Variants in FMN2 observed in about 807,000 individuals in gnomAD.
The protein encoded by FMN2 is formin 2, also known as formin-2.
FMN2 carries 51 observed loss-of-function variants against 142.3 expected under a neutral mutation model. That is an observed-to-expected ratio of 0.36 (90% CI 0.29 to 0.45). The LOEUF is 0.45. FMN2 is among the 20% of genes least tolerant of loss of function. FMN2 has a pLI of 1.00. For synonymous variants in FMN2, 882 were observed against 869.8 expected (o/e 1.01, Z -0.25); for missense variants, 1,936 against 2,122.8 (o/e 0.91, Z 1.73).
intron 16 of FMN2, among the ~76,000 whole-genome samples, chr1:240,461,861 C>G (rs1040401396): frequency 6.6e-6 from 1 of 152,202 alleles, no homozygotes; most frequent in Non-Finnish European, 1.5e-5. Flanking sequence ...GATATGCCCA[C>G]TGTCTCTGCA....
chr1:240,369,282 G>C (rs1390388840), intron 14 of FMN2, among the ~76,000 whole-genome samples: 1 of 152,112 alleles, frequency 6.6e-6, no homozygotes, highest in Non-Finnish European at 1.5e-5. Context: ...GTCTAAAGTT[G>C]CTGTTTTTAC....
Position 240,474,985 on chromosome 1 carries a change from G to T in FMN2, c.*831G>T, listed in dbSNP as rs1558127740. ...GTTTAAGTGCAAAGAAACAGTAGTG[G>T]TTTTTTTTCTATTGTTTTGTAGTCT... On this transcript the variant is annotated 3_prime_UTR_variant, in exon 18 of 18. Coordinates refer to ENST00000319653, the MANE Select transcript of FMN2 (RefSeq NM_020066.5). 2 of 152,142 alleles carry T rather than the reference G, an allele frequency of 1.3e-5. No individual in the cohort carries two copies. The allele number at this position is 152,142 out of a possible 1,614,324, so 9.4% of individuals were successfully genotyped here.
At chr1:240,131,189 G>C (rs553183526) in intron 2 of FMN2, among the ~76,000 whole-genome samples, 3 of 152,262 alleles carry the variant, frequency 2.0e-5, no homozygotes, top group African/African-American at 7.2e-5. Flanking sequence ...GGAAAGTATG[G>C]ATACGAATAA....
chr1:240,109,408 CCAT>C (rs1661726299), intron 1 of FMN2, among the ~76,000 whole-genome samples: 1 of 152,194 alleles, frequency 6.6e-6, no homozygotes, highest in Admixed American at 6.5e-5. Context: ...GTTACATGCA[CCAT>C]CAAGGGTATT....
chr1:240,143,531 C>T (rs1386845405), intron 2 of FMN2: 12 of 1,591,842 alleles, frequency 7.5e-6, no homozygotes, highest in East Asian at 2.2e-5. Flanking sequence ...TCAAAGTGTT[C>T]GCTGCAAACG....
chr1:240,190,538 T>C (rs984958757), intron 4 of FMN2, among the ~76,000 whole-genome samples: 3 of 152,162 alleles, frequency 2.0e-5, no homozygotes, highest in Non-Finnish European at 4.4e-5. Context: ...ACAATAATCC[T>C]TTAAAGTAAC....
chr1:240,280,373 C>T (rs1436428423), intron 7 of FMN2, among the ~76,000 whole-genome samples: 1 of 151,920 alleles, frequency 6.6e-6, no homozygotes, highest in East Asian at 1.9e-4. Flanking sequence ...AAAGATGATT[C>T]TTATTGGTAT....
At chr1:240,314,452 C>T (rs1349276649) in intron 8 of FMN2, among the ~76,000 whole-genome samples, 1 of 152,118 alleles carries the variant, frequency 6.6e-6, no homozygotes, top group Non-Finnish European at 1.5e-5. Flanking sequence ...TCAATATGTA[C>T]TGACCTGAAA....
intron 7 of FMN2, among the ~76,000 whole-genome samples, chr1:240,293,205 T>C (rs1009371827): frequency 1.1e-4 from 17 of 152,128 alleles, no homozygotes; most frequent in African/African-American, 3.4e-4. Flanking sequence ...TGGTTTAAAA[T>C]GATGGATAAA....
intron 2 of FMN2, among the ~76,000 whole-genome samples, chr1:240,127,459 T>C (rs536921707): frequency 6.6e-6 from 1 of 151,982 alleles, no homozygotes; most frequent in East Asian, 1.9e-4. Flanking sequence ...TCACCTGGCC[T>C]GGTCTTGGTT....
intron 14 of FMN2, among the ~76,000 whole-genome samples, chr1:240,379,452 A>G (rs1673153945): frequency 6.6e-6 from 1 of 152,070 alleles, no homozygotes; most frequent in East Asian, 1.9e-4. Context: ...TCTGCAAAGT[A>G]TTTCCTCTCT....
At chr1:240,334,078 T>A in intron 12 of FMN2, 31 bp from the exon 13 acceptor site, 2 of 1,576,012 alleles carry the variant, frequency 1.3e-6, no homozygotes, top group Non-Finnish European at 1.7e-6. Flanking sequence ...AACCAATTTC[T>A]TTAAATATGA....
chr1:240,161,546 A>T (rs567798382), intron 2 of FMN2, among the ~76,000 whole-genome samples: 1 of 151,848 alleles, frequency 6.6e-6, no homozygotes, highest in South Asian at 2.1e-4. Context: ...AAAAAAAAAA[A>T]TACAAGTGGA....
At chr1:240,453,434 A>G (rs931725952) in intron 16 of FMN2, among the ~76,000 whole-genome samples, 6 of 152,298 alleles carry the variant, frequency 3.9e-5, no homozygotes, top group African/African-American at 1.4e-4. Context: ...ACTAAAGTAC[A>G]TGGTATTGAG....
intron 8 of FMN2, among the ~76,000 whole-genome samples, chr1:240,328,055 G>A (rs1671231409): frequency 6.7e-6 from 1 of 149,022 alleles, no homozygotes; most frequent in Non-Finnish European, 1.5e-5. Context: ...GGCTGAGGCA[G>A]GAGAATGGCT....
At chr1:240,164,906 T>C (rs2103298937) in intron 2 of FMN2, among the ~76,000 whole-genome samples, 1 of 152,318 alleles carries the variant, frequency 6.6e-6, no homozygotes, top group South Asian at 2.1e-4. Context: ...TTATGATATC[T>C]TTTTTTCTGG....
At chr1:240,355,503 C>T (rs1572223564) in intron 13 of FMN2, among the ~76,000 whole-genome samples, 1 of 152,248 alleles carries the variant, frequency 6.6e-6, no homozygotes, top group East Asian at 1.9e-4. Context: ...GTGAGGCAGG[C>T]TCTGCTATCA....
chr1:240,436,535 G>A (rs370539816), intron 15 of FMN2, among the ~76,000 whole-genome samples: 1 of 151,892 alleles, frequency 6.6e-6, no homozygotes, highest in African/African-American at 2.4e-5. Context: ...AAATTAGCCG[G>A]GCATGGTGGC....
At chr1:240,184,999 T>C (rs1238631485) in intron 3 of FMN2, among the ~76,000 whole-genome samples, 160 of 146,046 alleles carry the variant, frequency 1.1e-3, no homozygotes, top group African/African-American at 4.1e-3. Flanking sequence ...CTCCCTCCTA[T>C]ACCTTCCCCT....
Sources: gnomAD v4.1 joint callset for allele counts (sites outside exome capture counted in the v4.1 genomes callset) on GRCh38, gnomAD v4.1.1 for gene constraint, MANE v1.5 for transcripts, NCBI Gene and HGNC (gene_info 2026-07-23, HGNC 2026-07-21) for gene names.